Variants in WWOX observed in about 807,000 individuals in gnomAD.
WWOX encodes the protein WW domain-containing oxidoreductase.
Under a neutral mutation model 46.2 loss-of-function variants are expected in WWOX, and 69 were observed. The ratio of observed to expected loss-of-function variants is 1.49; its 90% CI spans 1.23 to 1.82. The LOEUF (loss-of-function observed/expected upper bound fraction) is 1.82, where lower values mean the gene tolerates loss of function less well. Ranked by LOEUF, WWOX falls within the 40% of genes most tolerant of loss-of-function variation. The probability of loss-of-function intolerance (pLI) is 0.00; values close to 1 mark genes in which losing one functional copy is unlikely to be tolerated. For synonymous variants in WWOX, 359 were observed against 202.6 expected (o/e 1.77, Z -6.56); for missense variants, 919 against 542.6 (o/e 1.69, Z -6.89).
chr16:79,103,419 T>A (rs911027879), intron 8 of WWOX, among the ~76,000 whole-genome samples: 1 of 152,212 alleles, frequency 6.6e-6, no homozygotes, highest in Admixed American at 6.5e-5. Context: ...GGGAAATGTT[T>A]AGGGGCTCAA....
intron 4 of WWOX, among the ~76,000 whole-genome samples, chr16:78,129,572 A>G (rs74888558): frequency 0.02 from 3,063 of 152,270 alleles, 118 homozygotes; most frequent in African/African-American, 0.07. Context: ...GCTTATTTCC[A>G]TAAGCTCAAG....
intron 8 of WWOX, among the ~76,000 whole-genome samples, chr16:79,135,665 T>C (rs1477150887): frequency 6.6e-6 from 1 of 152,204 alleles, no homozygotes. Flanking sequence ...CCTCCCAAAA[T>C]GTATTCACAC....
chr16:78,361,557 C>T (rs1013711319), intron 5 of WWOX, among the ~76,000 whole-genome samples: 1 of 152,078 alleles, frequency 6.6e-6, no homozygotes, highest in Admixed American at 6.6e-5. Flanking sequence ...TTTTTATAGT[C>T]AGTAATTGGA....
intron 8 of WWOX, among the ~76,000 whole-genome samples, chr16:78,835,989 T>A (rs549572442): frequency 6.6e-6 from 1 of 152,208 alleles, no homozygotes; most frequent in African/African-American, 2.4e-5. Flanking sequence ...CTTCAAAGCC[T>A]CGTTATTCTT....
At chr16:79,019,162 A>AG (rs2047478182) in intron 8 of WWOX, among the ~76,000 whole-genome samples, 1 of 49,788 alleles carries the variant, frequency 2.0e-5, no homozygotes, top group Non-Finnish European at 3.4e-5. Context: ...TGTCTCAAAA[A>AG]AAAAAAAAAA....
chr16:79,010,896 C>T (rs1319193410), intron 8 of WWOX, among the ~76,000 whole-genome samples: 4 of 151,794 alleles, frequency 2.6e-5, no homozygotes, highest in Admixed American at 1.3e-4. Context: ...AGAGGGCAGA[C>T]GGGGTCATGT....
chr16:78,463,322 T>C (rs747054593), intron 8 of WWOX, among the ~76,000 whole-genome samples: 6 of 152,200 alleles, frequency 3.9e-5, no homozygotes, highest in Non-Finnish European at 5.9e-5. Context: ...GAAGAAATTC[T>C]TACCCGATGC....
chr16:78,723,884 G>C (rs2142361730), intron 8 of WWOX, among the ~76,000 whole-genome samples: 1 of 152,194 alleles, frequency 6.6e-6, no homozygotes, highest in Admixed American at 6.5e-5. Flanking sequence ...ATGAGGATTT[G>C]TTTATAGCCC....
chr16:78,180,933 G>A lies in WWOX; in HGVS notation c.516+16644G>A, dbSNP rs140619408. On this transcript the variant is annotated intron_variant, in intron 5 of 8. Transcript: ENST00000566780. Reference sequence around the variant, plus strand: ...TTAGTAAAGGCTTTAAAAATTAAAAGGCCTGAGATGATGGTAGGGTTTTGG... The same window carrying A: ...TTAGTAAAGGCTTTAAAAATTAAAAAGCCTGAGATGATGGTAGGGTTTTGG... 3.4e-3 allele frequency among the ~76,000 whole-genome samples: 513 copies of A among 152,258 alleles called. 6 individuals are homozygous for A. The highest frequency in any genetic ancestry group is 0.012 in the African/African-American group (480 of 41,546).
At chr16:78,780,239 G>A (rs1049190029) in intron 8 of WWOX, among the ~76,000 whole-genome samples, 3 of 152,046 alleles carry the variant, frequency 2.0e-5, no homozygotes, top group African/African-American at 7.2e-5. Flanking sequence ...TAACATCTCT[G>A]GAAGCTGGGG....
At chr16:78,895,186 A>G (rs1204569319) in intron 8 of WWOX, among the ~76,000 whole-genome samples, 1 of 152,192 alleles carries the variant, frequency 6.6e-6, no homozygotes, top group Admixed American at 6.5e-5. Flanking sequence ...CAACGGCTTT[A>G]AAATCACTTT....
intron 8 of WWOX, among the ~76,000 whole-genome samples, chr16:79,044,585 C>T (rs976576623): frequency 6.6e-6 from 1 of 152,226 alleles, no homozygotes; most frequent in Non-Finnish European, 1.5e-5. Context: ...CCCCAGAAGC[C>T]AGGCAGCTGC....
At chr16:78,591,181 C>T (rs1369559502) in intron 8 of WWOX, among the ~76,000 whole-genome samples, 1 of 152,170 alleles carries the variant, frequency 6.6e-6, no homozygotes, top group Non-Finnish European at 1.5e-5. Flanking sequence ...TTTAGCACTT[C>T]CAGACATTAT....
At chr16:78,123,582 C>G (rs541248792) in intron 4 of WWOX, 2 of 150,666 alleles carry the variant, frequency 1.3e-5, no homozygotes, top group Non-Finnish European at 2.9e-5. Flanking sequence ...CTCAGCCTCT[C>G]GAGTAGCTGG....
At chr16:78,777,153 A>G (rs542434570) in intron 8 of WWOX, among the ~76,000 whole-genome samples, 2 of 152,242 alleles carry the variant, frequency 1.3e-5, no homozygotes, top group African/African-American at 4.8e-5. Flanking sequence ...CTAGGGTCCA[A>G]CATGCCATTG....
At chr16:79,097,644 G>A (rs530006925) in intron 8 of WWOX, among the ~76,000 whole-genome samples, 4 of 152,240 alleles carry the variant, frequency 2.6e-5, no homozygotes, top group Non-Finnish European at 4.4e-5. Context: ...CTCCAAAGGG[G>A]GTTAGGTTTG....
intron 5 of WWOX, among the ~76,000 whole-genome samples, chr16:78,377,558 A>G (rs2151926724): frequency 6.6e-6 from 1 of 152,348 alleles, no homozygotes; most frequent in Non-Finnish European, 1.5e-5. Context: ...CTCTTACTTC[A>G]ATAGCAAGGC....
chr16:78,807,169 C>A (rs4145519), intron 8 of WWOX, among the ~76,000 whole-genome samples: 74,522 of 152,078 alleles, frequency 0.49, 18,615 homozygotes, highest in Middle Eastern at 0.58. Context: ...ATTTAGGTTT[C>A]TTGTGTCCTA....
At chr16:78,401,618 G>A (rs1403732372) in intron 6 of WWOX, among the ~76,000 whole-genome samples, 1 of 152,218 alleles carries the variant, frequency 6.6e-6, no homozygotes, top group African/African-American at 2.4e-5. Flanking sequence ...GCTACTTAAC[G>A]CATTTTGAGA....
Sources: allele counts gnomAD v4.1 joint callset (sites outside exome capture counted in the v4.1 genomes callset), GRCh38; gene constraint gnomAD v4.1.1; transcripts MANE v1.5; gene names NCBI Gene and HGNC (gene_info 2026-07-23, HGNC 2026-07-21).